KIF2C: variants seen among roughly 807,000 people sequenced by gnomAD.
KIF2C encodes the protein kinesin family member 2C.
A neutral mutation model predicts 97.4 loss-of-function variants in KIF2C; 34 were observed. That is an observed-to-expected ratio of 0.35 (90% confidence interval 0.27 to 0.46). The LOEUF is 0.46. KIF2C is among the 20% of genes least tolerant of loss of function. The pLI, the probability that KIF2C is intolerant of heterozygous loss-of-function variation, is 1.00. For synonymous variants in KIF2C, 313 were observed against 318.2 expected (o/e 0.98, Z 0.17); for missense variants, 750 against 907.6 (o/e 0.83, Z 2.23).
chr1:44,747,043 C>T (rs1048376589), intron 2 of KIF2C, among the ~76,000 whole-genome samples: 4 of 151,880 alleles, frequency 2.6e-5, no homozygotes, highest in Admixed American at 2.0e-4. Flanking sequence ...CACAGTGGCT[C>T]ACACCTGTAA....
At chr1:44,753,406 T>G in intron 6 of KIF2C, 152 bp downstream of exon 6, 1 of 898,248 alleles carries the variant, frequency 1.1e-6, no homozygotes, top group South Asian at 1.9e-5. Context: ...CAGTCTTTCA[T>G]TATCAAGACA....
Position 44,761,907 on chromosome 1 carries a change from CTT to C in KIF2C, c.1684-6_1684-5del, listed in dbSNP as rs1189144775. 6.2e-7 allele frequency: 1 copy of C among 1,614,052 alleles called. No homozygotes were observed. The highest frequency in any genetic ancestry group is 8.5e-7 in the Non-Finnish European group (1 of 1,179,906). On this transcript the variant is annotated splice_polypyrimidine_tract_variant and splice_region_variant and intron_variant, in intron 16 of 20. Coordinates refer to ENST00000372224, the MANE Select transcript of KIF2C (RefSeq NM_006845.4). ...TCTCAGCCTTTAATCACCCACCCCT[CTT>C]TTGCAGATTGCCACGATCTCACCAG...
chr1:44,766,904 G>C lies in KIF2C; in HGVS notation c.2050G>C (p.Glu684Gln). The change falls in exon 20 of 21, where the codon GAA (glutamate) becomes CAA (glutamine). Residue 684 changes from glutamate (E) to glutamine (Q), a missense_variant. Physicochemically the swap from Glu to Gln is conservative, Grantham distance 29. Transcript: ENST00000372224. ...YDLETFVNKAESALAQQAKHF... is the reference protein window; with the variant it reads ...YDLETFVNKAQSALAQQAKHF... Reference sequence around the variant, plus strand: ...CCTGGAGACCTTTGTGAACAAAGCGGAATCTGCTCTGGCCCAGCAAGCCAA... The same window carrying C: ...CCTGGAGACCTTTGTGAACAAAGCGCAATCTGCTCTGGCCCAGCAAGCCAA... The C allele has an allele frequency of 6.2e-7, 1 of 1,614,226 alleles. No individual in the cohort carries two copies. Among genetic ancestry groups the C allele is most frequent in the Non-Finnish European group, 8.5e-7 (1 of 1,180,038 alleles).
rs1482800846 is a variant in KIF2C, at chr1:44,760,759, A to G, written c.1683+57A>G. On this transcript the variant is annotated intron_variant, in intron 16 of 20. Coordinates refer to ENST00000372224, the MANE Select transcript of KIF2C (RefSeq NM_006845.4). This position sits in a 1 kb window ranked among gnomAD's most constrained non-coding sequence, Gnocchi z 4.2. ...AGGAGGAGACAGAGTTGCTTTCCAC[A>G]GAGACACTTAGTCCTGTCCCTGGGC... 2.2e-6 allele frequency: 3 copies of G among 1,375,970 alleles called. No homozygotes were observed. The highest frequency in any genetic ancestry group is 3.1e-6 in the Non-Finnish European group (3 of 969,636). 85.2% of individuals were successfully genotyped at this position (1,375,970 alleles called of 1,614,324 possible).
At position 44,753,776 on chromosome 1, in the gene KIF2C, G is replaced by C. The variant is rs756494138; in HGVS notation, c.606G>C (p.Lys202Asn). 6 of 1,612,022 alleles carry C rather than the reference G, an allele frequency of 3.7e-6. No homozygotes were observed. The Admixed American group carries it at 6.7e-5, about 18-fold the overall frequency. The change falls in exon 7 of 21, where the codon AAG becomes AAC. Residue 202 changes from lysine (K) to asparagine (N), a missense_variant. Lys to Asn is a moderately conservative substitution (Grantham distance 94, BLOSUM62 0). Coordinates refer to ENST00000372224, the MANE Select transcript of KIF2C (RefSeq NM_006845.4). ...TTGTGAAGGAAGTGGAAAAAATGAA[G>C]AACAAGCGAGAAGAGAAGAAGGCCC... Reference protein sequence around the residue: ...SCLVKEVEKMKNKREEKKAQN... With the variant: ...SCLVKEVEKMNNKREEKKAQN...
intron 4 of KIF2C, among the ~76,000 whole-genome samples, 170 bp downstream of exon 4, chr1:44,747,870 A>G (rs1649296496): frequency 6.6e-6 from 1 of 152,246 alleles, no homozygotes; most frequent in East Asian, 1.9e-4. Context: ...TACAGCTATC[A>G]GGCCAACCTT....
At position 44,766,859 on chromosome 1, in the gene KIF2C, A is replaced by T. The variant is rs1557604219; in HGVS notation, c.2005A>T (p.Thr669Ser). The change falls in exon 20 of 21, where the codon ACC becomes TCC. Residue 669 changes from threonine to serine, a missense_variant. By Grantham distance (58) the Thr-to-Ser change is moderately conservative. Transcript: ENST00000372224. ...AGACTGGCTTGAGCTCTCTGAGATG[A>T]CCGAGCAGCCAGACTATGACCTGGA... ...GPDWLELSEM[T>S]EQPDYDLETF... 2 of 1,614,204 alleles carry T rather than the reference A, an allele frequency of 1.2e-6. No homozygotes were observed. Among genetic ancestry groups the T allele is most frequent in the East Asian group, 2.2e-5 (1 of 44,882 alleles).
intron 5 of KIF2C, among the ~76,000 whole-genome samples, chr1:44,752,076 T>C (rs1362820240): frequency 6.7e-6 from 1 of 149,396 alleles, no homozygotes; most frequent in Non-Finnish European, 1.5e-5. Context: ...CACCTCGGCC[T>C]CCCAAGGTCC....
At chr1:44,743,615 C>T (rs963411557) in intron 2 of KIF2C, among the ~76,000 whole-genome samples, 8 of 152,142 alleles carry the variant, frequency 5.3e-5, no homozygotes, top group Non-Finnish European at 8.8e-5. Context: ...TACAGCAAGA[C>T]CTCATCTCTA....
intron 2 of KIF2C, among the ~76,000 whole-genome samples, chr1:44,744,234 A>C (rs528937360): frequency 3.9e-4 from 59 of 152,232 alleles, no homozygotes; most frequent in African/African-American, 1.3e-3. Flanking sequence ...CAGTCTCCCA[A>C]GTAGCTGGGA....
chr1:44,740,789 T>TG (rs1362331269), intron 1 of KIF2C, 124 bp from the exon 2 acceptor site: 3 of 431,776 alleles, frequency 6.9e-6, no homozygotes, highest in Non-Finnish European at 1.3e-5. Flanking sequence ...GTTTTTTTTT[T>TG]TTTTTTTTTT....
In KIF2C at chr1:44,760,904, T is replaced by G; in HGVS notation, c.1683+202T>G. The G allele has an allele frequency of 2.1e-5, 12 of 559,122 alleles. No homozygotes were observed. Among genetic ancestry groups the G allele is most frequent in the East Asian group, 3.1e-5 (1 of 32,278 alleles). 34.6% of individuals were successfully genotyped at this position (559,122 alleles called of 1,614,324 possible). ...AACCAAGCGTGGAGGAAAGGATCTA[T>G]TCCCTTTAAGATGTGTAGGTGCAGC... On this transcript the variant is annotated intron_variant, in intron 16 of 20. Coordinates refer to ENST00000372224, the MANE Select transcript of KIF2C (RefSeq NM_006845.4). This position sits in a 1 kb window ranked among gnomAD's most constrained non-coding sequence, Gnocchi z 4.2.
intron 2 of KIF2C, among the ~76,000 whole-genome samples, chr1:44,742,455 T>C (rs1174166954): frequency 2.0e-5 from 3 of 147,464 alleles, no homozygotes; most frequent in African/African-American, 7.4e-5. Context: ...CAGTGGCTCA[T>C]GCCTGTAATC....
chr1:44,758,228 C>A, intron 13 of KIF2C, 88 bp downstream of exon 13: 1 of 1,086,008 alleles, frequency 9.2e-7, no homozygotes, highest in Non-Finnish European at 1.3e-6. Context: ...GGCCAAAAAC[C>A]TATTAGCTGA....
chr1:44,762,006 G>A, intron 17 of KIF2C, 23 bp downstream of exon 17: 1 of 1,605,446 alleles, frequency 6.2e-7, no homozygotes, highest in Non-Finnish European at 8.5e-7. Flanking sequence ...ACAGCTAGGT[G>A]GGATGCGGAA....
At chr1:44,754,515 C>T (rs541412031) in intron 7 of KIF2C, among the ~76,000 whole-genome samples, 4 of 152,220 alleles carry the variant, frequency 2.6e-5, no homozygotes, top group Admixed American at 2.6e-4. Context: ...GCTGTGCCTC[C>T]TAAAATGTGG....
rs185919266 is a variant in KIF2C at position 44,767,663 on chromosome 1, C to G, written c.*484C>G. ...GAGACCTCTTTCTACTTTACTGTCTCCCTAGAGATCCTAGAGGATCCCTAC... is the reference window on the plus strand; with the variant it reads ...GAGACCTCTTTCTACTTTACTGTCTGCCTAGAGATCCTAGAGGATCCCTAC... On this transcript the variant is annotated 3_prime_UTR_variant, in exon 21 of 21. Transcript: ENST00000372224. 1.2e-3 allele frequency: 192 copies of G among 161,732 alleles called. 1 individual carries two copies. Among genetic ancestry groups the G allele is most frequent in the Non-Finnish European group, 2.1e-3 (153 of 72,996 alleles). The allele number at this position is 161,732 out of a possible 1,614,324, so 10.0% of individuals were successfully genotyped here. A position where few individuals can be genotyped will look rare whatever the true frequency, so the allele number is the denominator to read the frequency against.
rs1416980042 is a variant in KIF2C at position 44,740,902 on chromosome 1, A to C, written c.71-11A>C. 6.3e-7 allele frequency: 1 copy of C among 1,597,036 alleles called. No individual in the cohort carries two copies. Among genetic ancestry groups the C allele is most frequent in the South Asian group, 1.1e-5 (1 of 89,756 alleles). On this transcript the variant is annotated splice_polypyrimidine_tract_variant and intron_variant, in intron 1 of 20. Coordinates refer to ENST00000372224, the MANE Select transcript of KIF2C (RefSeq NM_006845.4). ...AGAGATGGGTAACTCTGGTTTTTTC[A>C]TACTTTATAGGTTTAATTCACAGTG... is the stretch of plus-strand genomic sequence containing the variant.
chr1:44,740,847 G>C (rs185389388), intron 1 of KIF2C, 66 bp from the exon 2 acceptor site: 2 of 932,630 alleles, frequency 2.1e-6, no homozygotes, highest in South Asian at 1.6e-5. Context: ...GGGAATCTCT[G>C]TGGAATCCTA....
Sources: gnomAD v4.1 joint callset for allele counts (sites outside exome capture counted in the v4.1 genomes callset) on GRCh38, gnomAD v4.1.1 for gene constraint, Gnocchi (gnomAD v3.1) non-coding constraint, MANE v1.5 for transcripts, NCBI Gene and HGNC (gene_info 2026-07-23, HGNC 2026-07-21) for gene names.